Variants in TMEM74 observed in about 807,000 individuals in gnomAD.
The protein encoded by TMEM74 is transmembrane protein 74.
A neutral mutation model predicts 18.1 loss-of-function variants in TMEM74; 13 were observed. The observed-to-expected ratio is 0.72, with a 90% CI of 0.47 to 1.14. The LOEUF (loss-of-function observed/expected upper bound fraction) is 1.14, where lower values mean the gene tolerates loss of function less well. Among genes scored for constraint, TMEM74 ranks in the 50% most tolerant of loss-of-function variants. The probability of loss-of-function intolerance (pLI) is 0.00; values close to 1 mark genes in which losing one functional copy is unlikely to be tolerated. For missense variants in TMEM74, 372 were observed against 375.9 expected, an observed-to-expected ratio of 0.99 and a Z score of 0.09; for synonymous variants, 159 against 146.6, an observed-to-expected ratio of 1.08 and a Z score of -0.61.
intron 2 of TMEM74, among the ~76,000 whole-genome samples, chr8:108,633,627 C>T (rs1209953486): frequency 2.0e-5 from 3 of 151,974 alleles, no homozygotes; most frequent in Admixed American, 6.6e-5. Flanking sequence ...GGATTGGAAC[C>T]AGTTTTGTTT....
At chr8:108,615,069 G>T (rs1320350301) in intron 2 of TMEM74, among the ~76,000 whole-genome samples, 1 of 152,146 alleles carries the variant, frequency 6.6e-6, no homozygotes, top group Non-Finnish European at 1.5e-5. Flanking sequence ...TAAACTGAAA[G>T]TGTCATTCTT....
At chr8:108,691,899 A>G (rs1301063416) in intron 1 of TMEM74, among the ~76,000 whole-genome samples, 1 of 152,144 alleles carries the variant, frequency 6.6e-6, no homozygotes, top group Non-Finnish European at 1.5e-5. Flanking sequence ...TGTTTATAGC[A>G]ATATGTTGAT....
At chr8:108,701,418 A>T (rs1387178632) in intron 1 of TMEM74, among the ~76,000 whole-genome samples, 1 of 152,164 alleles carries the variant, frequency 6.6e-6, no homozygotes, top group African/African-American at 2.4e-5. Flanking sequence ...AAAAGAAATA[A>T]GGTTTACAGA....
At chr8:108,707,649 A>C (rs993392118) in intron 1 of TMEM74, among the ~76,000 whole-genome samples, 3 of 152,320 alleles carry the variant, frequency 2.0e-5, no homozygotes, top group East Asian at 1.9e-4. Context: ...CATGCAAAAT[A>C]ATGAAATTGG....
chr8:108,658,113 A>T (rs1006334694), intron 1 of TMEM74, among the ~76,000 whole-genome samples: 10 of 151,496 alleles, frequency 6.6e-5, no homozygotes, highest in Non-Finnish European at 1.5e-4. Context: ...GCTGCTGGCC[A>T]TACAAATTAT....
At chr8:108,687,158 T>C (rs1282233988) in intron 1 of TMEM74, among the ~76,000 whole-genome samples, 2 of 151,998 alleles carry the variant, frequency 1.3e-5, no homozygotes, top group Admixed American at 6.6e-5. Flanking sequence ...TCCAGGTGAT[T>C]ATACAATCAC....
intron 1 of TMEM74, among the ~76,000 whole-genome samples, chr8:108,737,944 C>G (rs957870714): frequency 7.9e-5 from 12 of 152,160 alleles, no homozygotes; most frequent in African/African-American, 2.9e-4. Context: ...CAGCCCTGTA[C>G]TCACCTGCTG....
chr8:108,609,137 A>G (rs1812308768), intron 2 of TMEM74, among the ~76,000 whole-genome samples: 1 of 152,266 alleles, frequency 6.6e-6, no homozygotes, highest in South Asian at 2.1e-4. Flanking sequence ...AGAGTTATAC[A>G]GATAAATCCT....
chr8:108,765,601 G>C (rs902377376), intron 1 of TMEM74, among the ~76,000 whole-genome samples: 55 of 151,752 alleles, frequency 3.6e-4, no homozygotes, highest in African/African-American at 1.3e-3. Context: ...TAGAGATGGG[G>C]TTTCACCATG....
intron 2 of TMEM74, among the ~76,000 whole-genome samples, chr8:108,618,775 A>T (rs768642097): frequency 6.6e-5 from 10 of 152,190 alleles, no homozygotes; most frequent in Non-Finnish European, 8.8e-5. Context: ...CTAGAGAAGG[A>T]TGATTCAGTG....
intron 1 of TMEM74, among the ~76,000 whole-genome samples, chr8:108,675,121 C>T (rs1470811073): frequency 4.6e-5 from 7 of 152,146 alleles, no homozygotes; most frequent in African/African-American, 1.7e-4. Flanking sequence ...TTATATGTTT[C>T]CTAGAGTTCC....
intron 1 of TMEM74, among the ~76,000 whole-genome samples, chr8:108,748,351 CAT>C (rs1370687097): frequency 1.3e-5 from 2 of 152,134 alleles, no homozygotes. Flanking sequence ...TTGTTGGCCA[CAT>C]ATATGTCTTC....
intron 1 of TMEM74, among the ~76,000 whole-genome samples, chr8:108,681,609 A>G (rs1334170055): frequency 6.6e-6 from 1 of 152,190 alleles, no homozygotes; most frequent in Non-Finnish European, 1.5e-5. Flanking sequence ...GACCACTCCA[A>G]GGAAAAGAAG....
chr8:108,654,153 T>G (rs1812799842), intron 2 of TMEM74, among the ~76,000 whole-genome samples: 1 of 152,144 alleles, frequency 6.6e-6, no homozygotes, highest in South Asian at 2.1e-4. Flanking sequence ...CTTGCATTAC[T>G]TTTACTTAGT....
At chr8:108,724,766 G>A (rs557107759) in intron 1 of TMEM74, among the ~76,000 whole-genome samples, 30 of 152,234 alleles carry the variant, frequency 2.0e-4, no homozygotes, top group African/African-American at 7.0e-4. Context: ...ATTTTGGGGT[G>A]CACTGGGCAG....
At chr8:108,692,303 TC>T (rs1227832265) in intron 1 of TMEM74, among the ~76,000 whole-genome samples, 1 of 152,202 alleles carries the variant, frequency 6.6e-6, no homozygotes, top group African/African-American at 2.4e-5. Context: ...TTTTCAGTCC[TC>T]AACATCTAAC....
intron 1 of TMEM74, among the ~76,000 whole-genome samples, chr8:108,725,685 A>G (rs1024396122): frequency 3.9e-5 from 6 of 152,228 alleles, no homozygotes; most frequent in African/African-American, 1.2e-4. Context: ...AGATTAGCTG[A>G]AAATGAAATG....
chr8:108,655,912 G>A (rs1177428808), intron 1 of TMEM74, among the ~76,000 whole-genome samples: 2 of 152,080 alleles, frequency 1.3e-5, no homozygotes, highest in African/African-American at 2.4e-5. Context: ...ATATCATTTT[G>A]AGCATCCAGG....
In TMEM74 at chr8:108,686,232, T is replaced by C. The variant is rs562719731; in HGVS notation, n.120-30795A>G. Reference sequence around the variant, plus strand: ...GTTTTGTTTTGAGACAGAGTCTCGCTCTGTCGCCCAGGCTGGAGTGCAGTG... The same window carrying C: ...GTTTTGTTTTGAGACAGAGTCTCGCCCTGTCGCCCAGGCTGGAGTGCAGTG... On this transcript the variant is annotated intron_variant and non_coding_transcript_variant, in intron 1 of 3. Coordinates refer to the TMEM74 transcript ENST00000518838. Among the ~76,000 whole-genome samples the C allele has an allele frequency of 5.3e-5, 8 of 152,336 alleles. No homozygotes were observed. The East Asian group carries it at 1.5e-3, about 29-fold the overall frequency.
Sources: gnomAD v4.1 joint callset for allele counts (sites outside exome capture counted in the v4.1 genomes callset) on GRCh38, gnomAD v4.1.1 for gene constraint, MANE v1.5 for transcripts, NCBI Gene and HGNC (gene_info 2026-07-23, HGNC 2026-07-21) for gene names.